The following CDKN2C variants were observed in gnomAD, a reference collection of about 807,000 sequenced individuals.
CDKN2C encodes cyclin dependent kinase inhibitor 2C.
A neutral mutation model predicts 11.0 loss-of-function variants in CDKN2C; 5 were observed. The observed-to-expected ratio is 0.45, with a 90% CI of 0.24 to 0.95. The LOEUF is 0.95. CDKN2C is among the 40% of genes least tolerant of loss of function. The pLI is 0.21. For synonymous variants in CDKN2C, 79 were observed against 88.3 expected, an observed-to-expected ratio of 0.89 and a Z score of 0.59; for missense variants, 161 against 211.9, an observed-to-expected ratio of 0.76 and a Z score of 1.49.
chr1:50,961,149 C>T (rs893720370), intron 1 of CDKN2C, among the ~76,000 whole-genome samples: 10 of 152,258 alleles, frequency 6.6e-5, no homozygotes, highest in African/African-American at 2.4e-4. Context: ...GATTCTCCTG[C>T]CTCAGCCTCC....
At chr1:50,964,481 C>T (rs146741636) in intron 1 of CDKN2C, among the ~76,000 whole-genome samples, 6 of 152,214 alleles carry the variant, frequency 3.9e-5, no homozygotes, top group African/African-American at 1.4e-4. Flanking sequence ...GTTAAGATAA[C>T]CAATTTCTTA....
chr1:50,970,114 G>C, upstream of CDKN2C: 1 of 542,162 alleles, frequency 1.8e-6, no homozygotes, highest in African/African-American at 1.9e-5. Context: ...TTCTTCATAG[G>C]GGTTAAGCTA....
intron 1 of CDKN2C, among the ~76,000 whole-genome samples, chr1:50,972,126 G>A (rs3176461): frequency 0.013 from 2,016 of 152,130 alleles, 27 homozygotes; most frequent in Non-Finnish European, 0.017. Context: ...TTTTCTATCA[G>A]GTTAATATCA....
upstream of CDKN2C, chr1:50,968,690 T>G (rs1222131367): frequency 6.6e-6 from 1 of 152,166 alleles, no homozygotes; most frequent in Non-Finnish European, 1.5e-5. Context: ...CCCGCGGCGC[T>G]GCAACTCTGC....
intron 1 of CDKN2C, among the ~76,000 whole-genome samples, chr1:50,962,497 C>A (rs1299843016): frequency 6.6e-6 from 1 of 152,084 alleles, no homozygotes; most frequent in Non-Finnish European, 1.5e-5. Flanking sequence ...ATTCAGTTGC[C>A]CCATTCATAT....
At chr1:50,973,779 C>A in intron 1 of CDKN2C, 114 bp from the exon 2 acceptor site, 1 of 1,327,976 alleles carries the variant, frequency 7.5e-7, no homozygotes, top group Non-Finnish European at 1.1e-6. Flanking sequence ...GGGTCTTCCG[C>A]AAGAACTCCA....
chr1:50,968,523 G>C (rs1645359716), upstream of CDKN2C: 1 of 152,434 alleles, frequency 6.6e-6, no homozygotes, highest in South Asian at 2.1e-4. Flanking sequence ...CGCCTAGCCG[G>C]CAGGAGGGAG....
chr1:50,970,233 A>G, upstream of CDKN2C: 3 of 1,057,006 alleles, frequency 2.8e-6, no homozygotes, highest in South Asian at 4.2e-5. Flanking sequence ...ATTTACTACC[A>G]AGCTCTACTC....
In CDKN2C at chr1:50,974,518, T is replaced by C. The variant is rs1181034973; in HGVS notation, c.*248T>C. The C allele has an allele frequency of 2.6e-6, 1 of 381,650 alleles. No individual in the cohort carries two copies. Among genetic ancestry groups the C allele is most frequent in the Non-Finnish European group, 4.6e-6 (1 of 215,132 alleles). 23.6% of individuals were successfully genotyped at this position (381,650 alleles called of 1,614,324 possible). A position where few individuals can be genotyped will look rare whatever the true frequency, so the allele number is the denominator to read the frequency against. ...GACTTTCTTCTGAATATTTTATCTT[T>C]CCTTGGCTTTTCCCTTGCTTCCCCT... is the stretch of plus-strand genomic sequence containing the variant. On this transcript the variant is annotated 3_prime_UTR_variant, in exon 2 of 2. Transcript: ENST00000371761.
chr1:50,968,145 C>G (rs1645356575), upstream of CDKN2C: 1 of 288 alleles, frequency 3.5e-3, no homozygotes, highest in Non-Finnish European at 4.5e-3. Context: ...GGTGCGAGGC[C>G]GAGGCCAGGG....
chr1:50,974,044 C>T lies in CDKN2C; in HGVS notation c.281C>T (p.Ala94Val). The change falls in exon 2 of 2, where the codon GCT becomes GTT. Residue 94 changes from alanine (A) to valine (V), a missense_variant. Coordinates refer to ENST00000371761, the MANE Select transcript of CDKN2C (RefSeq NM_078626.3). ...DTLQTLLEFQADVNIEDNEGN... is the reference protein window; with the variant it reads ...DTLQTLLEFQVDVNIEDNEGN... ...TTACAGACTTTGCTGGAGTTTCAAG[C>T]TGATGTTAACATCGAGGATAATGAA... 2.5e-6 allele frequency: 4 copies of T among 1,614,202 alleles called. No homozygotes were observed. In the South Asian group the frequency reaches 3.3e-5, roughly 13 times the overall value.
chr1:50,974,261 T>C lies in CDKN2C; in HGVS notation c.498T>C (p.Asn166=), dbSNP rs756945040. The C allele has an allele frequency of 9.0e-6, 14 of 1,554,240 alleles. No individual in the cohort carries two copies. In the South Asian group the frequency reaches 1.7e-4, roughly 19 times the overall value. ...MQANGAGGAT[N]LQ The stretch of plus-strand genomic sequence containing the variant: ...CAAACGGGGCTGGGGGAGCCACAAA[T>C]CTTCAATAAACGTGGGGAGGGCTCC... The change falls in exon 2 of 2, where the codon AAT becomes AAC. Residue 166 remains asparagine (N), a synonymous_variant. Coordinates refer to ENST00000371761, the MANE Select transcript of CDKN2C (RefSeq NM_078626.3).
chr1:50,970,278 G>A lies in CDKN2C; in HGVS notation c.-91G>A. 2 of 1,510,144 alleles carry A rather than the reference G, an allele frequency of 1.3e-6. No individual in the cohort carries two copies. The highest frequency in any genetic ancestry group is 1.7e-5 in the Admixed American group (1 of 57,204). The allele number at this position is 1,510,144 out of a possible 1,614,324, so 93.5% of individuals were successfully genotyped here. Reference sequence around the variant, plus strand: ...CATCCCAGTCCTTCTGTCAGTCTCCGATGCCATCATGCAGCCTGGTTAGGA... The same window carrying A: ...CATCCCAGTCCTTCTGTCAGTCTCCAATGCCATCATGCAGCCTGGTTAGGA... On this transcript the variant is annotated 5_prime_UTR_variant, in exon 1 of 2. Transcript: ENST00000371761.
Position 50,974,456 on chromosome 1 carries a change from G to A in CDKN2C, c.*186G>A. On this transcript the variant is annotated 3_prime_UTR_variant, in exon 2 of 2. Coordinates refer to ENST00000371761, the MANE Select transcript of CDKN2C (RefSeq NM_078626.3). ...TATTTAAGCAACATCTTTTTAACCTGCAAAATCTGTTCTAACATGTAATTG... is the reference window on the plus strand; with the variant it reads ...TATTTAAGCAACATCTTTTTAACCTACAAAATCTGTTCTAACATGTAATTG... 2.0e-6 allele frequency: 1 copy of A among 503,866 alleles called. No homozygotes were observed. Among genetic ancestry groups the A allele is most frequent in the Non-Finnish European group, 3.3e-6 (1 of 299,132 alleles). 31.2% of individuals were successfully genotyped at this position (503,866 alleles called of 1,614,324 possible).
At chr1:50,964,351 A>G (rs1437158450) in intron 1 of CDKN2C, among the ~76,000 whole-genome samples, 1 of 152,198 alleles carries the variant, frequency 6.6e-6, no homozygotes, top group Non-Finnish European at 1.5e-5. Flanking sequence ...TACCTAATGT[A>G]TTCTCAGAAT....
chr1:50,961,825 C>T (rs1185529036), intron 1 of CDKN2C, among the ~76,000 whole-genome samples: 1 of 152,234 alleles, frequency 6.6e-6, no homozygotes, highest in African/African-American at 2.4e-5. Context: ...AGCCATACCA[C>T]CACACCCAGC....
upstream of CDKN2C, chr1:50,970,218 CTAG>C (rs1420293293): frequency 1.5e-5 from 13 of 884,336 alleles, no homozygotes; most frequent in African/African-American, 5.0e-5. Flanking sequence ...GCAGATCTTA[CTAG>C]TATTTACTAC....
chr1:50,965,271 G>A (rs894133135), upstream of CDKN2C, among the ~76,000 whole-genome samples: 14 of 151,918 alleles, frequency 9.2e-5, no homozygotes, highest in Non-Finnish European at 1.9e-4. Context: ...AGGCTGAGTC[G>A]GGCAGATCAT....
chr1:50,966,355 C>A (rs1645347335), upstream of CDKN2C, among the ~76,000 whole-genome samples: 1 of 152,018 alleles, frequency 6.6e-6, no homozygotes, highest in Non-Finnish European at 1.5e-5. Flanking sequence ...TTCTATGTCT[C>A]CTTAAATGAT....
Sources: allele counts gnomAD v4.1 joint callset (sites outside exome capture counted in the v4.1 genomes callset), GRCh38; gene constraint gnomAD v4.1.1; transcripts MANE v1.5; gene names NCBI Gene and HGNC (gene_info 2026-07-23, HGNC 2026-07-21).